The following ADAMTS12 variants were observed in gnomAD, a reference collection of about 807,000 sequenced individuals.
The protein encoded by ADAMTS12 is A disintegrin and metalloproteinase with thrombospondin motifs 12.
A neutral mutation model predicts 167.8 loss-of-function variants in ADAMTS12; 118 were observed. That is an observed-to-expected ratio of 0.70 (90% CI 0.61 to 0.82). The LOEUF is 0.82. ADAMTS12 is among the 40% of genes least tolerant of loss of function. The pLI is 0.00. For synonymous variants in ADAMTS12, 704 were observed against 716.9 expected, an observed-to-expected ratio of 0.98 and a Z score of 0.29; for missense variants, 1,916 against 1,998.8, an observed-to-expected ratio of 0.96 and a Z score of 0.79.
intron 22 of ADAMTS12, among the ~76,000 whole-genome samples, chr5:33,535,926 G>C (rs1431357535): frequency 6.6e-6 from 1 of 152,076 alleles, no homozygotes; most frequent in Non-Finnish European, 1.5e-5. Context: ...TCTGTGCCTA[G>C]CTGGACCAGG....
At chr5:33,573,321 G>T (rs144693113) in intron 19 of ADAMTS12, among the ~76,000 whole-genome samples, 582 of 129,952 alleles carry the variant, frequency 4.5e-3, no homozygotes, top group East Asian at 6.7e-3. Context: ...AACAAAGCCA[G>T]AGGCATCACG....
At chr5:33,625,839 C>G (rs1579765972) in intron 13 of ADAMTS12, among the ~76,000 whole-genome samples, 1 of 152,110 alleles carries the variant, frequency 6.6e-6, no homozygotes, top group East Asian at 1.9e-4. Context: ...ATTAAGTATG[C>G]AACAAAAGGT....
intron 2 of ADAMTS12, among the ~76,000 whole-genome samples, chr5:33,841,500 A>ATTTT (rs972750258): frequency 6.6e-6 from 1 of 152,016 alleles, no homozygotes; most frequent in African/African-American, 2.4e-5. Context: ...TCTGACCTGT[A>ATTTT]TTTTTCTTTC....
chr5:33,800,910 CA>C (rs1465201159), intron 2 of ADAMTS12, among the ~76,000 whole-genome samples: 3 of 152,138 alleles, frequency 2.0e-5, no homozygotes, highest in Admixed American at 6.5e-5. Context: ...AAGGATTTTT[CA>C]GGTATAATTA....
intron 16 of ADAMTS12, among the ~76,000 whole-genome samples, chr5:33,607,610 G>A (rs537538576): frequency 5.2e-4 from 79 of 152,218 alleles, no homozygotes; most frequent in African/African-American, 9.9e-4. Flanking sequence ...CTGTATGGCC[G>A]TTTTAATGAT....
chr5:33,826,231 G>A (rs1452873022), intron 2 of ADAMTS12, among the ~76,000 whole-genome samples: 2 of 151,990 alleles, frequency 1.3e-5, no homozygotes, highest in African/African-American at 4.8e-5. Flanking sequence ...TATGCATCTT[G>A]ATGTGGTCTA....
intron 2 of ADAMTS12, among the ~76,000 whole-genome samples, chr5:33,830,740 C>T (rs1388943954): frequency 6.6e-6 from 1 of 152,044 alleles, no homozygotes; most frequent in Admixed American, 6.6e-5. Context: ...TGCAGTGAGC[C>T]ATGATTACAC....
intron 16 of ADAMTS12, among the ~76,000 whole-genome samples, chr5:33,610,216 A>G (rs528380411): frequency 1.4e-4 from 22 of 152,172 alleles, no homozygotes; most frequent in African/African-American, 5.3e-4. Flanking sequence ...AACAAAAAAG[A>G]AAAACAAAAT....
intron 2 of ADAMTS12, among the ~76,000 whole-genome samples, chr5:33,833,748 A>C (rs569932462): frequency 1.3e-5 from 2 of 152,360 alleles, no homozygotes; most frequent in South Asian, 4.1e-4. Flanking sequence ...ATTCAATGAA[A>C]TCTTCTGTAG....
At chr5:33,550,577 C>T (rs1173092106) in intron 20 of ADAMTS12, among the ~76,000 whole-genome samples, 1 of 152,176 alleles carries the variant, frequency 6.6e-6, no homozygotes, top group East Asian at 1.9e-4. Context: ...CCTCTATTCT[C>T]TGCATTACCC....
At chr5:33,547,247 T>G (rs1745029032) in intron 21 of ADAMTS12, among the ~76,000 whole-genome samples, 1 of 152,156 alleles carries the variant, frequency 6.6e-6, no homozygotes, top group Non-Finnish European at 1.5e-5. Context: ...GGTTCTCAAA[T>G]GCTCCTCAGA....
chr5:33,732,097 G>A (rs952674112), intron 3 of ADAMTS12, among the ~76,000 whole-genome samples: 3 of 152,114 alleles, frequency 2.0e-5, no homozygotes, highest in South Asian at 2.1e-4. Context: ...CCAGGACTGC[G>A]CAGGCTGAGC....
chr5:33,717,558 G>A (rs1197192896), intron 3 of ADAMTS12, among the ~76,000 whole-genome samples: 2 of 152,110 alleles, frequency 1.3e-5, no homozygotes, highest in Admixed American at 6.5e-5. Flanking sequence ...TGAAACAGCC[G>A]ATTTGGCTCT....
chr5:33,574,832 T>C (rs1310575885), intron 19 of ADAMTS12, among the ~76,000 whole-genome samples: 1 of 152,194 alleles, frequency 6.6e-6, no homozygotes, highest in Non-Finnish European at 1.5e-5. Flanking sequence ...TTGTTATTTT[T>C]ATATTAGCTG....
intron 2 of ADAMTS12, among the ~76,000 whole-genome samples, chr5:33,810,185 A>C (rs1747401395): frequency 6.6e-6 from 1 of 152,168 alleles, no homozygotes; most frequent in Non-Finnish European, 1.5e-5. Flanking sequence ...CTGGGTAAAC[A>C]GAACACTCAT....
intron 2 of ADAMTS12, among the ~76,000 whole-genome samples, chr5:33,864,807 G>A (rs1749752382): frequency 1.3e-5 from 2 of 152,126 alleles, no homozygotes; most frequent in Non-Finnish European, 2.9e-5. Context: ...CATGGACACA[G>A]GGAGGGGAAC....
intron 3 of ADAMTS12, among the ~76,000 whole-genome samples, chr5:33,748,938 A>G (rs1744882904): frequency 6.6e-6 from 1 of 152,236 alleles, no homozygotes; most frequent in Non-Finnish European, 1.5e-5. Flanking sequence ...TCACAAGCAC[A>G]TTAGCAATTC....
At chr5:33,853,740 T>C (rs570230393) in intron 2 of ADAMTS12, among the ~76,000 whole-genome samples, 37 of 152,346 alleles carry the variant, frequency 2.4e-4, no homozygotes, top group East Asian at 1.7e-3. Context: ...TGAACTCAAA[T>C]AGAATTAGTG....
intron 2 of ADAMTS12, among the ~76,000 whole-genome samples, chr5:33,834,106 C>T (rs990214313): frequency 4.6e-5 from 7 of 152,162 alleles, no homozygotes; most frequent in Non-Finnish European, 1.0e-4. Flanking sequence ...ATCATAATCC[C>T]TCTGTATGTT....
Sources: gnomAD v4.1 joint callset for allele counts (sites outside exome capture counted in the v4.1 genomes callset) on GRCh38, gnomAD v4.1.1 for gene constraint, MANE v1.5 for transcripts, NCBI Gene and HGNC (gene_info 2026-07-23, HGNC 2026-07-21) for gene names.